Variants in SKP1 observed in about 807,000 individuals in gnomAD.
The protein encoded by SKP1 is S-phase kinase associated protein 1, also known as S-phase kinase-associated protein 1.
Under a neutral mutation model 21.5 loss-of-function variants are expected in SKP1, and 1 was observed. That is an observed-to-expected ratio of 0.05 (90% CI 0.02 to 0.22). The LOEUF (loss-of-function observed/expected upper bound fraction) is 0.22. Ranked by LOEUF, SKP1 falls within the 10% of genes least tolerant of loss-of-function variation. SKP1 has a pLI of 1.00. For missense variants in SKP1, 70 were observed against 192.0 expected, an observed-to-expected ratio of 0.36 and a Z score of 3.76; for synonymous variants, 59 against 59.3, an observed-to-expected ratio of 0.99 and a Z score of 0.03.
intron 5 of SKP1, chr5:134,158,050 T>G (rs1761150763): frequency 2.1e-6 from 3 of 1,460,390 alleles, no homozygotes; most frequent in Non-Finnish European, 2.7e-6. Context: ...TTTCAGTCTG[T>G]AGTCATGTCA....
chr5:134,168,590 A>C (rs1761378853), intron 2 of SKP1, among the ~76,000 whole-genome samples: 1 of 152,218 alleles, frequency 6.6e-6, no homozygotes, highest in Non-Finnish European at 1.5e-5. Context: ...TAAGGGACAC[A>C]ATTACGGGGC....
At chr5:134,169,137 A>C (rs1341070266) in intron 2 of SKP1, among the ~76,000 whole-genome samples, 1 of 152,236 alleles carries the variant, frequency 6.6e-6, no homozygotes, top group Non-Finnish European at 1.5e-5. Flanking sequence ...ATCAAGCATC[A>C]AATGATGTCA....
chr5:134,170,209 T>A (rs969396363), intron 2 of SKP1, among the ~76,000 whole-genome samples: 1 of 151,436 alleles, frequency 6.6e-6, no homozygotes, highest in African/African-American at 2.5e-5. Flanking sequence ...CTTTTATGAC[T>A]GTAAAGGATT....
chr5:134,149,754 T>C lies in SKP1; in HGVS notation c.*7979A>G, dbSNP rs1396119107. On this transcript the variant is annotated 3_prime_UTR_variant, in exon 6 of 6. Transcript: ENST00000353411. Reference sequence around the variant, plus strand: ...CAAGACCAGGTTGCTGCATCTGATTTGGTGTCTCACTTAGAGTACACAGGG... The same window carrying C: ...CAAGACCAGGTTGCTGCATCTGATTCGGTGTCTCACTTAGAGTACACAGGG... 5 of 149,604 alleles carry C rather than the reference T, an allele frequency of 3.3e-5. No homozygotes were observed. The highest frequency in any genetic ancestry group is 5.9e-5 in the Non-Finnish European group (4 of 67,800). The allele number at this position is 149,604 out of a possible 1,614,324, so 9.3% of individuals were successfully genotyped here.
At chr5:134,163,922 CCTT>C in intron 3 of SKP1, among the ~76,000 whole-genome samples, 1 of 152,192 alleles carries the variant, frequency 6.6e-6, no homozygotes, top group Non-Finnish European at 1.5e-5. Flanking sequence ...CCACTAAACT[CCTT>C]GCCTTTCCTA....
At chr5:134,171,755 A>G (rs2149376996) in intron 2 of SKP1, among the ~76,000 whole-genome samples, 1 of 152,362 alleles carries the variant, frequency 6.6e-6, no homozygotes, top group African/African-American at 2.4e-5. Context: ...GATTTGAAAT[A>G]TCACCTCGGC....
rs1180732651 is a variant in SKP1, at chr5:134,149,447, G to T, written c.*8286C>A. On this transcript the variant is annotated 3_prime_UTR_variant, in exon 6 of 6. Coordinates refer to ENST00000353411, the MANE Select transcript of SKP1 (RefSeq NM_170679.3). ...GTAGATGATACATGTCAGGCAAGAA[G>T]TATTTCACATGGGACAGCCACTGGG... The T allele has an allele frequency of 6.6e-6, 1 of 152,218 alleles. No individual in the cohort carries two copies. The highest frequency in any genetic ancestry group is 1.5e-5 in the Non-Finnish European group (1 of 68,042). 9.4% of individuals were successfully genotyped at this position (152,218 alleles called of 1,614,324 possible). A position where few individuals can be genotyped will look rare whatever the true frequency, so the allele number is the denominator to read the frequency against.
chr5:134,149,264 A>C lies in SKP1; in HGVS notation c.*8469T>G, dbSNP rs77092526. 3 of 152,186 alleles carry C rather than the reference A, an allele frequency of 2.0e-5. No homozygotes were observed. Among genetic ancestry groups the C allele is most frequent in the Non-Finnish European group, 4.4e-5 (3 of 68,042 alleles). The allele number at this position is 152,186 out of a possible 1,614,324, so 9.4% of individuals were successfully genotyped here. On this transcript the variant is annotated 3_prime_UTR_variant, in exon 6 of 6. Transcript: ENST00000353411. ...CCACCTTTTGAAGTCTCCAATGTCT[A>C]TTATTCCATTCCGTATCCATATACC...
rs985720255 is a variant in SKP1 at position 134,153,508 on chromosome 5, G to A, written c.*4225C>T. On this transcript the variant is annotated 3_prime_UTR_variant, in exon 6 of 6. Coordinates refer to ENST00000353411, the MANE Select transcript of SKP1 (RefSeq NM_170679.3). ...TAAAAGAAGAATCAAAAAGCTCTTC[G>A]GGCTACTCTGGGCACACTGCCTATG... is the stretch of plus-strand genomic sequence containing the variant. 4 of 152,124 alleles carry A rather than the reference G, an allele frequency of 2.6e-5. No individual in the cohort carries two copies. The highest frequency in any genetic ancestry group is 5.9e-5 in the Non-Finnish European group (4 of 68,084). The allele number at this position is 152,124 out of a possible 1,614,324, so 9.4% of individuals were successfully genotyped here. A position where few individuals can be genotyped will look rare whatever the true frequency, so the allele number is the denominator to read the frequency against.
In SKP1 at chr5:134,155,814, A is replaced by C. The variant is rs906493560; in HGVS notation, c.*1919T>G. The stretch of plus-strand genomic sequence containing the variant: ...TAAGGATACTTCTGGTTTGTTTTTG[A>C]GACAAGGTCTCGCTCTATTGCCTAG... On this transcript the variant is annotated 3_prime_UTR_variant, in exon 6 of 6. Transcript: ENST00000353411. 1 of 152,176 alleles carries C rather than the reference A, an allele frequency of 6.6e-6. No homozygotes were observed. The highest frequency in any genetic ancestry group is 2.4e-5 in the African/African-American group (1 of 41,416). 9.4% of individuals were successfully genotyped at this position (152,176 alleles called of 1,614,324 possible).
intron 2 of SKP1, among the ~76,000 whole-genome samples, chr5:134,167,768 C>T (rs1761361388): frequency 6.6e-6 from 1 of 152,220 alleles, no homozygotes; most frequent in Non-Finnish European, 1.5e-5. Flanking sequence ...TCGTGATCTA[C>T]CCGCTTCAGC....
At chr5:134,166,641 C>T (rs946256008) in intron 3 of SKP1, among the ~76,000 whole-genome samples, 1 of 142,648 alleles carries the variant, frequency 7.0e-6, no homozygotes, top group African/African-American at 2.6e-5. Context: ...CTTGTTAATA[C>T]CTGTATTACA....
At chr5:134,165,926 G>A (rs1375043381) in intron 3 of SKP1, among the ~76,000 whole-genome samples, 1 of 148,004 alleles carries the variant, frequency 6.8e-6, no homozygotes, top group African/African-American at 2.5e-5. Flanking sequence ...AGGCATGGTG[G>A]CTCCACCTGT....
intron 3 of SKP1, among the ~76,000 whole-genome samples, chr5:134,165,046 G>C (rs1179417020): frequency 7.6e-6 from 1 of 132,016 alleles, no homozygotes; most frequent in Non-Finnish European, 1.5e-5. Context: ...TTTGAGGGGG[G>C]AGGGTGTACC....
At chr5:134,160,376 A>G (rs915838220) in intron 4 of SKP1, among the ~76,000 whole-genome samples, 6 of 151,616 alleles carry the variant, frequency 4.0e-5, no homozygotes, top group African/African-American at 1.5e-4. Flanking sequence ...ATATATATAT[A>G]ATATTTTATA....
chr5:134,157,594 T>C lies in SKP1; in HGVS notation c.*139A>G, dbSNP rs776468277. ...ATCTGTGCTCAAACTACACATGCAA[T>C]GAGGACAATATTCTGCTAATACAAT... On this transcript the variant is annotated 3_prime_UTR_variant, in exon 6 of 6. Transcript: ENST00000353411. 3 of 765,940 alleles carry C rather than the reference T, an allele frequency of 3.9e-6. No homozygotes were observed. Among genetic ancestry groups the C allele is most frequent in the Non-Finnish European group, 6.9e-6 (3 of 433,562 alleles). The allele number at this position is 765,940 out of a possible 1,614,324, so 47.4% of individuals were successfully genotyped here.
intron 2 of SKP1, among the ~76,000 whole-genome samples, chr5:134,168,110 C>T (rs1350123084): frequency 6.6e-6 from 1 of 152,036 alleles, no homozygotes; most frequent in Non-Finnish European, 1.5e-5. Context: ...TGTGTGAGTA[C>T]ACAAATAAAG....
intron 1 of SKP1, chr5:134,175,616 T>C (rs1292142644): frequency 2.0e-5 from 3 of 152,236 alleles, no homozygotes; most frequent in African/African-American, 7.2e-5. Flanking sequence ...TCATATTTCT[T>C]TCAAATAACT....
chr5:134,151,569 G>A lies in SKP1; in HGVS notation c.*6164C>T, dbSNP rs997144378. 2 of 413,380 alleles carry A rather than the reference G, an allele frequency of 4.8e-6. No homozygotes were observed. Among genetic ancestry groups the A allele is most frequent in the Non-Finnish European group, 9.9e-6 (2 of 202,304 alleles). The allele number at this position is 413,380 out of a possible 1,614,324, so 25.6% of individuals were successfully genotyped here. On this transcript the variant is annotated 3_prime_UTR_variant, in exon 6 of 6. Transcript: ENST00000353411. ...CTTTAAGGAAATAAGCTGATCCTCA[G>A]TGTGCAATAAGAGGCTGCTATATAG...
Sources: allele counts gnomAD v4.1 joint callset (sites outside exome capture counted in the v4.1 genomes callset), GRCh38; gene constraint gnomAD v4.1.1; transcripts MANE v1.5; gene names NCBI Gene and HGNC (gene_info 2026-07-23, HGNC 2026-07-21).